The following MBD5 variants were observed in gnomAD, a reference collection of about 807,000 sequenced individuals.
MBD5 encodes methyl-CpG binding domain protein 5.
In MBD5, 13 loss-of-function variants were observed where a neutral mutation model predicts 117.3. That is an observed-to-expected ratio of 0.11 (90% CI 0.07 to 0.18). MBD5 has a LOEUF of 0.18. MBD5 is among the 10% of genes least tolerant of loss of function. The pLI, the probability that MBD5 is intolerant of heterozygous loss-of-function variation, is 1.00. For missense variants in MBD5, 1,879 were observed against 2,093.8 expected, an observed-to-expected ratio of 0.90 and a Z score of 2.00; for synonymous variants, 727 against 766.4, an observed-to-expected ratio of 0.95 and a Z score of 0.85.
At chr2:148,451,424 T>G (rs753720508) in intron 4 of MBD5, among the ~76,000 whole-genome samples, 25 of 151,946 alleles carry the variant, frequency 1.6e-4, no homozygotes, top group Non-Finnish European at 2.1e-4. Context: ...AGGTCAAAGG[T>G]GAAACAGATG....
Position 148,174,874 on chromosome 2 carries a change from G to A in MBD5, c.-924-3826G>A, listed in dbSNP as rs1698347590. 2.0e-5 allele frequency among the ~76,000 whole-genome samples: 3 copies of A among 151,990 alleles called. No individual in the cohort carries two copies. In the South Asian group the frequency reaches 6.2e-4, roughly 31 times the overall value. ...CTGTTGGTGGAAATGTACACATGTG[G>A]AAAACTGTGTGAAGGTTCCTCAATA... On this transcript the variant is annotated intron_variant, in intron 1 of 13. Coordinates refer to ENST00000642680, the MANE Select transcript of MBD5 (RefSeq NM_001378120.1).
At chr2:148,148,589 C>T (rs1697537593) in intron 1 of MBD5, among the ~76,000 whole-genome samples, 1 of 152,132 alleles carries the variant, frequency 6.6e-6, no homozygotes, top group African/African-American at 2.4e-5. Context: ...AATTATTTTT[C>T]CTTTATTAAT....
intron 1 of MBD5, among the ~76,000 whole-genome samples, chr2:148,175,512 C>CT (rs1400119419): frequency 2.0e-5 from 3 of 152,074 alleles, no homozygotes; most frequent in African/African-American, 7.2e-5. Flanking sequence ...TAGTAATCAT[C>CT]TTTTTTGTGA....
chr2:148,436,430 C>T (rs35253184), intron 4 of MBD5, among the ~76,000 whole-genome samples: 33,030 of 152,012 alleles, frequency 0.22, 4,406 homozygotes, highest in Admixed American at 0.31. Context: ...TGGAATGCAG[C>T]GATGTGATCT....
chr2:148,313,822 G>A (rs1443900408), intron 3 of MBD5, among the ~76,000 whole-genome samples: 1 of 152,158 alleles, frequency 6.6e-6, no homozygotes, highest in Admixed American at 6.5e-5. Context: ...CATGGGAAAA[G>A]CAGAGTATCT....
chr2:148,079,266 T>G (rs564215731), intron 1 of MBD5, among the ~76,000 whole-genome samples: 1 of 152,134 alleles, frequency 6.6e-6, no homozygotes, highest in Non-Finnish European at 1.5e-5. Flanking sequence ...ATGACTGACT[T>G]TGTGTGTTTG....
intron 1 of MBD5, among the ~76,000 whole-genome samples, chr2:148,074,495 GT>G (rs1034437368): frequency 5.5e-5 from 6 of 109,848 alleles, no homozygotes; most frequent in Admixed American, 9.6e-5. Context: ...TTTTTTTTTT[GT>G]TTTTTTTTTT....
intron 3 of MBD5, among the ~76,000 whole-genome samples, chr2:148,324,500 T>A (rs1389463862): frequency 6.6e-6 from 1 of 152,214 alleles, no homozygotes; most frequent in Admixed American, 6.5e-5. Context: ...GTTTGTATCC[T>A]CTTTTATTTC....
At chr2:148,263,434 T>G (rs765236423) in intron 3 of MBD5, among the ~76,000 whole-genome samples, 4 of 152,202 alleles carry the variant, frequency 2.6e-5, no homozygotes, top group Non-Finnish European at 5.9e-5. Context: ...TATTAATACT[T>G]AAAAGTTTAT....
intron 2 of MBD5, among the ~76,000 whole-genome samples, chr2:148,195,511 A>G (rs1698960956): frequency 1.3e-5 from 2 of 152,228 alleles, no homozygotes; most frequent in Non-Finnish European, 2.9e-5. Context: ...ACAGAAACCA[A>G]TAAGAAAATA....
At chr2:148,444,036 CAAAAATT>C (rs1706414174) in intron 4 of MBD5, among the ~76,000 whole-genome samples, 1 of 150,942 alleles carries the variant, frequency 6.6e-6, no homozygotes, top group African/African-American at 2.5e-5. Context: ...TGTGTACCCA[CAAAAATT>C]AAAAATTAAA....
chr2:148,362,116 C>A (rs768268635), intron 4 of MBD5, among the ~76,000 whole-genome samples: 2 of 152,176 alleles, frequency 1.3e-5, no homozygotes, highest in Non-Finnish European at 2.9e-5. Flanking sequence ...CCAGTGGCCC[C>A]TGGAATGCCA....
At chr2:148,335,642 C>G (rs1702767505) in intron 3 of MBD5, among the ~76,000 whole-genome samples, 1 of 151,956 alleles carries the variant, frequency 6.6e-6, no homozygotes, top group African/African-American at 2.4e-5. Context: ...ATCACTTGAG[C>G]CCAGAGGTCA....
intron 4 of MBD5, among the ~76,000 whole-genome samples, chr2:148,450,103 A>G: frequency 6.6e-6 from 1 of 152,094 alleles, no homozygotes; most frequent in East Asian, 1.9e-4. Flanking sequence ...TGCTATTAAA[A>G]TTTCTGTAAT....
chr2:148,359,926 A>C (rs1324088923), intron 4 of MBD5, among the ~76,000 whole-genome samples: 1 of 152,134 alleles, frequency 6.6e-6, no homozygotes. Flanking sequence ...ATAGATTATT[A>C]GGGACTCTCA....
intron 1 of MBD5, among the ~76,000 whole-genome samples, chr2:148,144,656 T>C (rs1697405010): frequency 1.3e-5 from 2 of 152,230 alleles, no homozygotes; most frequent in Admixed American, 1.3e-4. Context: ...AGTTTCAGCT[T>C]TCTACATATG....
chr2:148,107,475 A>G (rs1696400768), intron 1 of MBD5, among the ~76,000 whole-genome samples: 1 of 151,898 alleles, frequency 6.6e-6, no homozygotes, highest in Non-Finnish European at 1.5e-5. Flanking sequence ...TCTCTTTGCT[A>G]GCAATCCAAC....
intron 3 of MBD5, among the ~76,000 whole-genome samples, chr2:148,277,695 A>G (rs1007315586): frequency 6.6e-6 from 1 of 151,932 alleles, no homozygotes; most frequent in Non-Finnish European, 1.5e-5. Context: ...TGTTTTCTTC[A>G]TCAGTCCTGC....
chr2:148,270,978 G>A (rs1250271362), intron 3 of MBD5, among the ~76,000 whole-genome samples: 1 of 151,878 alleles, frequency 6.6e-6, no homozygotes, highest in African/African-American at 2.4e-5. Context: ...TTATTTACCA[G>A]TATTTTAAGG....
Sources: gnomAD v4.1 joint callset for allele counts (sites outside exome capture counted in the v4.1 genomes callset) on GRCh38, gnomAD v4.1.1 for gene constraint, MANE v1.5 for transcripts, NCBI Gene and HGNC (gene_info 2026-07-23, HGNC 2026-07-21) for gene names.